SLC44A5: variants seen among roughly 807,000 people sequenced by gnomAD.
SLC44A5 encodes choline transporter-like protein 5.
In SLC44A5, 57 loss-of-function variants were observed where a neutral mutation model predicts 101.8. The observed-to-expected ratio is 0.56, with a 90% CI of 0.45 to 0.70. The LOEUF is 0.70. Among genes scored for constraint, SLC44A5 ranks in the 30% least tolerant of loss-of-function variants. SLC44A5 has a pLI of 0.00. For missense variants in SLC44A5, 737 were observed against 853.1 expected (o/e 0.86, Z 1.70); for synonymous variants, 281 against 290.9 (o/e 0.97, Z 0.35).
At chr1:75,680,859 G>A in the SLC44A5 span, among the ~76,000 whole-genome samples, 9 of 150,366 alleles carry the variant, frequency 6.0e-5, no homozygotes, top group Admixed American at 1.3e-4. Flanking sequence ...ATTGATAGAC[G>A]GCTAGCAAGA....
In SLC44A5 at chr1:75,398,859, C is replaced by T. The variant is rs1662297646; in HGVS notation, c.14-2238G>A. On this transcript the variant is annotated intron_variant, in intron 2 of 23. Coordinates refer to ENST00000370859, the MANE Select transcript of SLC44A5 (RefSeq NM_001130058.2). ...TGGTGTCTGCGTAAGATACCAAAGC[C>T]ATACTATTTTGACCTTGACAACAAC... 4.0e-5 allele frequency among the ~76,000 whole-genome samples: 6 copies of T among 151,768 alleles called. No individual in the cohort carries two copies. In the South Asian group the frequency reaches 1.3e-3, roughly 32 times the overall value.
intron 1 of SLC44A5, chr1:75,582,502 A>T: frequency 1.7e-6 from 1 of 580,554 alleles, no homozygotes; most frequent in Non-Finnish European, 3.1e-6. Context: ...CTGCAGCTCC[A>T]GCTTCAATTC....
Position 75,213,647 on chromosome 1 carries a change from T to C in SLC44A5, c.1962+58A>G, listed in dbSNP as rs533540143. The C allele has an allele frequency of 1.6e-3, 1,977 of 1,211,872 alleles. 6 individuals are homozygous for C. The highest frequency in any genetic ancestry group is 2.2e-3 in the Non-Finnish European group (1,839 of 827,022). 75.1% of individuals were successfully genotyped at this position (1,211,872 alleles called of 1,614,324 possible). ...GAATAAATTTCTGTTGTTTAAGTCA[T>C]CCAGTCTATAGTATTTTTATTATAG... is the stretch of plus-strand genomic sequence containing the variant. On this transcript the variant is annotated intron_variant, in intron 22 of 23. Transcript: ENST00000370859.
chr1:75,546,554 A>G, intron 1 of SLC44A5, among the ~76,000 whole-genome samples: 1 of 152,232 alleles, frequency 6.6e-6, no homozygotes, highest in African/African-American at 2.4e-5. Flanking sequence ...ACCTATTTTT[A>G]AATTTTAATC....
chr1:75,574,214 G>A (rs1028029316), intron 1 of SLC44A5, among the ~76,000 whole-genome samples: 3 of 152,146 alleles, frequency 2.0e-5, no homozygotes, highest in African/African-American at 7.2e-5. Context: ...CATTTTCTGA[G>A]TTGCATTTTC....
At chr1:75,681,722 A>G in the SLC44A5 span, among the ~76,000 whole-genome samples, 2 of 148,920 alleles carry the variant, frequency 1.3e-5, no homozygotes, top group Non-Finnish European at 3.0e-5. Flanking sequence ...CTCTCTCACC[A>G]CTCCTATTCA....
At chr1:75,472,803 C>T (rs1667180949) in intron 2 of SLC44A5, among the ~76,000 whole-genome samples, 1 of 152,152 alleles carries the variant, frequency 6.6e-6, no homozygotes, top group Admixed American at 6.6e-5. Context: ...AAAAGCATTG[C>T]AGCCCTGTCC....
intron 4 of SLC44A5, among the ~76,000 whole-genome samples, chr1:75,322,103 G>A (rs779335301): frequency 4.6e-5 from 7 of 152,080 alleles, no homozygotes; most frequent in Non-Finnish European, 8.8e-5. Flanking sequence ...TTGAGGTCAG[G>A]AGTTTGAGAC....
chr1:75,723,077 T>A, the SLC44A5 span, among the ~76,000 whole-genome samples: 3 of 152,198 alleles, frequency 2.0e-5, no homozygotes, highest in African/African-American at 7.2e-5. Context: ...TGTCTTTGCC[T>A]CTTTTGGAAA....
intron 6 of SLC44A5, among the ~76,000 whole-genome samples, chr1:75,263,721 G>T (rs1650736241): frequency 6.6e-6 from 1 of 152,082 alleles, no homozygotes; most frequent in Non-Finnish European, 1.5e-5. Context: ...CAAAGACTTG[G>T]AACCCACCCA....
At chr1:75,668,728 C>T in the SLC44A5 span, among the ~76,000 whole-genome samples, 1 of 151,606 alleles carries the variant, frequency 6.6e-6, no homozygotes, top group Admixed American at 6.6e-5. Context: ...GGCACAGTGG[C>T]TCACGCCTGC....
the SLC44A5 span, among the ~76,000 whole-genome samples, chr1:75,680,647 C>T: frequency 6.6e-6 from 1 of 150,564 alleles, no homozygotes; most frequent in Admixed American, 6.6e-5. Context: ...TAAATGCCCA[C>T]AAGAGAAAGC....
chr1:75,508,282 C>A (rs1041287278), intron 2 of SLC44A5, among the ~76,000 whole-genome samples: 3 of 152,104 alleles, frequency 2.0e-5, no homozygotes, highest in Middle Eastern at 3.4e-3. Flanking sequence ...AAGGCAGAAA[C>A]AACAAAAATT....
intron 2 of SLC44A5, among the ~76,000 whole-genome samples, chr1:75,443,352 A>T (rs556586971): frequency 5.9e-5 from 9 of 152,148 alleles, no homozygotes; most frequent in African/African-American, 2.2e-4. Context: ...AAGCTTTGAG[A>T]AAACTCATTG....
chr1:75,718,357 A>C, the SLC44A5 span, among the ~76,000 whole-genome samples: 1 of 152,162 alleles, frequency 6.6e-6, no homozygotes, highest in Non-Finnish European at 1.5e-5. Context: ...TGGAGTGTTT[A>C]CTAGGGGTCA....
chr1:75,630,254 T>C, the SLC44A5 span, among the ~76,000 whole-genome samples: 1 of 152,180 alleles, frequency 6.6e-6, no homozygotes. Flanking sequence ...GCCTCTTTTC[T>C]GTCTGCCTGC....
intron 5 of SLC44A5, among the ~76,000 whole-genome samples, chr1:75,300,165 T>C (rs1026106070): frequency 6.6e-6 from 1 of 152,142 alleles, no homozygotes; most frequent in African/African-American, 2.4e-5. Flanking sequence ...TAGAACTTTT[T>C]GTATGTCAAT....
At chr1:75,506,624 C>A (rs1329736420) in intron 2 of SLC44A5, among the ~76,000 whole-genome samples, 2 of 151,920 alleles carry the variant, frequency 1.3e-5, no homozygotes, top group Admixed American at 1.3e-4. Flanking sequence ...GGATTATATT[C>A]TTGGTTTGAC....
intron 1 of SLC44A5, among the ~76,000 whole-genome samples, chr1:75,580,870 A>G (rs962103240): frequency 4.0e-5 from 6 of 151,838 alleles, no homozygotes; most frequent in African/African-American, 1.5e-4. Flanking sequence ...AAAAACAAAG[A>G]AAGGAAAGGA....
Sources: allele counts gnomAD v4.1 joint callset (sites outside exome capture counted in the v4.1 genomes callset), GRCh38; gene constraint gnomAD v4.1.1; transcripts MANE v1.5; gene names NCBI Gene and HGNC (gene_info 2026-07-23, HGNC 2026-07-21).